The following PDE1C variants were observed in gnomAD, a reference collection of about 807,000 sequenced individuals.
The protein encoded by PDE1C is phosphodiesterase 1C, also known as dual specificity calcium/calmodulin-dependent 3',5'-cyclic nucleotide phosphodiesterase 1C.
Under a neutral mutation model 93.1 loss-of-function variants are expected in PDE1C, and 62 were observed. The ratio of observed to expected loss-of-function variants is 0.67; its 90% CI spans 0.54 to 0.82. PDE1C has a LOEUF of 0.82. Among genes scored for constraint, PDE1C ranks in the 40% least tolerant of loss-of-function variants. The probability of loss-of-function intolerance (pLI) is 0.00; values close to 1 mark genes in which losing one functional copy is unlikely to be tolerated. For synonymous variants in PDE1C, 325 were observed against 310.1 expected (o/e 1.05, Z -0.50); for missense variants, 742 against 884.6 (o/e 0.84, Z 2.04).
chr7:32,069,728 G>A (rs779286979), intron 1 of PDE1C, among the ~76,000 whole-genome samples: 3 of 151,960 alleles, frequency 2.0e-5, no homozygotes, highest in Non-Finnish European at 4.4e-5. Flanking sequence ...CCCCAATATC[G>A]TTTCTGCCCC....
chr7:32,328,642 C>A (rs1166493735), intron 1 of PDE1C, among the ~76,000 whole-genome samples: 2 of 152,190 alleles, frequency 1.3e-5, no homozygotes, highest in African/African-American at 4.8e-5. Context: ...CTCCACCCCC[C>A]ATCCCCACTC....
rs768523895 is a variant in PDE1C at position 32,389,454 on chromosome 7, T to A, written c.310+38368A>T. On this transcript the variant is annotated intron_variant, in intron 1 of 1. Transcript: ENST00000672256. ...CTGGTTTCGAACTCCTGACCTCAGG[T>A]GATCTGCCTGCCTTGGCCTCCCAAA... Among the ~76,000 whole-genome samples the A allele has an allele frequency of 6.5e-4, 99 of 152,314 alleles. 1 individual carries two copies. The highest frequency in any genetic ancestry group is 2.7e-3 in the Admixed American group (41 of 15,292).
chr7:31,686,654 C>T, the PDE1C span: 1 of 152,176 alleles, frequency 6.6e-6, no homozygotes, highest in Non-Finnish European at 1.5e-5. Context: ...GCCCCAGCTT[C>T]CTCATCAATA....
chr7:32,396,257 T>A (rs984150008), intron 1 of PDE1C, among the ~76,000 whole-genome samples: 5 of 152,114 alleles, frequency 3.3e-5, no homozygotes, highest in African/African-American at 9.7e-5. Context: ...GGCAGGTGGA[T>A]TGCTTGAGCC....
chr7:31,899,509 AGT>A (rs1346014168), intron 2 of PDE1C, among the ~76,000 whole-genome samples: 4 of 152,160 alleles, frequency 2.6e-5, no homozygotes, highest in African/African-American at 4.8e-5. Context: ...GGCAGCTGAT[AGT>A]GTAAGCCCCG....
chr7:32,007,535 G>A (rs1786442722), intron 2 of PDE1C, among the ~76,000 whole-genome samples: 1 of 152,198 alleles, frequency 6.6e-6, no homozygotes, highest in Non-Finnish European at 1.5e-5. Context: ...GGCTTATTAT[G>A]AGACAAATCA....
intron 3 of PDE1C, among the ~76,000 whole-genome samples, chr7:32,096,478 C>G (rs569338477): frequency 1.1e-3 from 160 of 152,284 alleles, no homozygotes; most frequent in African/African-American, 3.6e-3. Context: ...CCCCTGACAT[C>G]TTGTCAATCT....
intron 2 of PDE1C, among the ~76,000 whole-genome samples, chr7:31,996,212 C>G (rs6947718): frequency 0.039 from 5,903 of 152,052 alleles, 402 homozygotes; most frequent in African/African-American, 0.14. Context: ...GAAGAAACAT[C>G]GTGATTACTC....
chr7:32,320,563 T>C lies in PDE1C; in HGVS notation c.310+107259A>G, dbSNP rs150003496. Among the ~76,000 whole-genome samples, 32 of 152,242 alleles carry C rather than the reference T, an allele frequency of 2.1e-4. 1 individual carries two copies. In the East Asian group the frequency reaches 5.0e-3, roughly 24 times the overall value. ...AAAGGGATTATGCAAGGAATTGTTC[T>C]AGGAATATTGTCACACTTTCAACTG... On this transcript the variant is annotated intron_variant, in intron 1 of 1. Coordinates refer to the PDE1C transcript ENST00000672256.
intron 2 of PDE1C, among the ~76,000 whole-genome samples, chr7:31,961,346 A>C (rs923810069): frequency 1.3e-5 from 2 of 152,058 alleles, no homozygotes; most frequent in African/African-American, 2.4e-5. Flanking sequence ...TTGAGTTCAG[A>C]GTATATTGAT....
At chr7:31,823,433 G>A (rs541613255) in intron 13 of PDE1C, among the ~76,000 whole-genome samples, 185 bp from the exon 14 acceptor site, 1 of 152,172 alleles carries the variant, frequency 6.6e-6, no homozygotes. Flanking sequence ...ATTTTCAGCA[G>A]GAAAAACATC....
intron 1 of PDE1C, among the ~76,000 whole-genome samples, chr7:32,421,767 C>A (rs896760991): frequency 8.5e-5 from 13 of 152,188 alleles, no homozygotes; most frequent in Non-Finnish European, 1.6e-4. Flanking sequence ...GCCCCATCTA[C>A]CTCAGAAAAC....
At chr7:32,047,538 G>A (rs1792770470) in intron 2 of PDE1C, among the ~76,000 whole-genome samples, 1 of 152,088 alleles carries the variant, frequency 6.6e-6, no homozygotes, top group Admixed American at 6.6e-5. Context: ...TTTGGTCTTG[G>A]AAGAGATTAG....
the PDE1C span, among the ~76,000 whole-genome samples, chr7:31,705,992 T>A: frequency 1.6e-5 from 1 of 63,398 alleles, no homozygotes; most frequent in Non-Finnish European, 2.7e-5. Flanking sequence ...AGTAATTTTT[T>A]TTTTTTTTTT....
At chr7:32,193,223 C>CAG (rs1562565612) in intron 2 of PDE1C, among the ~76,000 whole-genome samples, 1 of 152,072 alleles carries the variant, frequency 6.6e-6, no homozygotes, top group Non-Finnish European at 1.5e-5. Flanking sequence ...ACATTCTTGC[C>CAG]TTGTTCTCAT....
chr7:32,159,516 G>T (rs1417818122), intron 3 of PDE1C, among the ~76,000 whole-genome samples: 3 of 152,188 alleles, frequency 2.0e-5, no homozygotes, highest in African/African-American at 7.2e-5. Context: ...ATGGAAAGTT[G>T]TAAGGGGTGA....
At chr7:31,927,562 G>C (rs1803567799) in intron 2 of PDE1C, among the ~76,000 whole-genome samples, 1 of 152,196 alleles carries the variant, frequency 6.6e-6, no homozygotes, top group African/African-American at 2.4e-5. Flanking sequence ...GCTGGTATCA[G>C]ACAGGTGTCC....
chr7:32,290,061 GC>G (rs569395449), intron 1 of PDE1C, among the ~76,000 whole-genome samples: 82 of 152,266 alleles, frequency 5.4e-4, no homozygotes, highest in Non-Finnish European at 1.0e-3. Context: ...CTCCAAGCCT[GC>G]CCAGGGTCCC....
chr7:32,327,291 A>G (rs1758451370), intron 1 of PDE1C, among the ~76,000 whole-genome samples: 6 of 152,168 alleles, frequency 3.9e-5, no homozygotes, highest in Admixed American at 3.9e-4. Flanking sequence ...AAGTCCCCAA[A>G]TCGTAAGTAT....
Sources: gnomAD v4.1 joint callset for allele counts (sites outside exome capture counted in the v4.1 genomes callset) on GRCh38, gnomAD v4.1.1 for gene constraint, MANE v1.5 for transcripts, NCBI Gene and HGNC (gene_info 2026-07-23, HGNC 2026-07-21) for gene names.